Variants in SGCD observed in about 807,000 individuals in gnomAD.
SGCD encodes the protein sarcoglycan delta, also known as delta-sarcoglycan.
In SGCD, 18 loss-of-function variants were observed where a neutral mutation model predicts 36.6. The observed-to-expected ratio is 0.49, with a 90% CI of 0.34 to 0.73. The LOEUF (loss-of-function observed/expected upper bound fraction) is 0.73. Among genes scored for constraint, SGCD ranks in the 30% least tolerant of loss-of-function variants. The pLI is 0.01. For missense variants in SGCD, 387 were observed against 346.7 expected (o/e 1.12, Z -0.92); for synonymous variants, 133 against 130.6 (o/e 1.02, Z -0.12).
At chr5:156,628,263 C>T (rs1762505666) in intron 6 of SGCD, among the ~76,000 whole-genome samples, 1 of 152,200 alleles carries the variant, frequency 6.6e-6, no homozygotes, top group African/African-American at 2.4e-5. Context: ...TCACCAGACC[C>T]TACCTCCAAC....
intron 3 of SGCD, among the ~76,000 whole-genome samples, chr5:156,304,638 C>G (rs992885552): frequency 6.6e-6 from 1 of 152,076 alleles, no homozygotes; most frequent in African/African-American, 2.4e-5. Context: ...AAAAGATACC[C>G]AAAAATGTGG....
intron 7 of SGCD, among the ~76,000 whole-genome samples, chr5:156,721,775 C>G (rs1187016016): frequency 6.6e-6 from 1 of 152,140 alleles, no homozygotes; most frequent in Non-Finnish European, 1.5e-5. Flanking sequence ...TGTAGAGCAA[C>G]AGGGTGGGAG....
At chr5:156,638,426 C>G (rs924976886) in intron 6 of SGCD, among the ~76,000 whole-genome samples, 3 of 152,180 alleles carry the variant, frequency 2.0e-5, no homozygotes, top group African/African-American at 7.2e-5. Flanking sequence ...TCACCTCATT[C>G]TTAGGACACA....
chr5:156,129,954 T>G (rs1057226772), intron 3 of SGCD, among the ~76,000 whole-genome samples: 1 of 152,214 alleles, frequency 6.6e-6, no homozygotes, highest in Non-Finnish European at 1.5e-5. Flanking sequence ...TGAACATTCA[T>G]GCACATGTGT....
chr5:156,135,401 T>C (rs78374169), intron 3 of SGCD, among the ~76,000 whole-genome samples: 2,035 of 152,298 alleles, frequency 0.013, 21 homozygotes, highest in Non-Finnish European at 0.022. Flanking sequence ...GCCAGGGATA[T>C]AAGACACCTG....
At chr5:156,488,523 T>TA (rs904754060) in intron 3 of SGCD, among the ~76,000 whole-genome samples, 5 of 151,400 alleles carry the variant, frequency 3.3e-5, no homozygotes, top group South Asian at 4.2e-4. Context: ...GAAAGAAAAA[T>TA]AAAAAACTGC....
chr5:156,263,037 T>C (rs1765907001), intron 3 of SGCD, among the ~76,000 whole-genome samples: 1 of 152,116 alleles, frequency 6.6e-6, no homozygotes. Flanking sequence ...TTTGCAATTG[T>C]GAATTGCACT....
intron 1 of SGCD, among the ~76,000 whole-genome samples, chr5:155,890,509 T>C (rs532746955): frequency 1.8e-4 from 28 of 152,056 alleles, no homozygotes; most frequent in Admixed American, 7.9e-4. Flanking sequence ...CTTGGGAGGC[T>C]GAAGGGGAGG....
At chr5:155,797,572 A>G in the SGCD span, among the ~76,000 whole-genome samples, 1 of 152,220 alleles carries the variant, frequency 6.6e-6, no homozygotes. Context: ...ATTTCAATTG[A>G]GTTCCACTAC....
At chr5:156,049,900 T>G (rs1233439909) in intron 1 of SGCD, among the ~76,000 whole-genome samples, 1 of 146,594 alleles carries the variant, frequency 6.8e-6, no homozygotes, top group East Asian at 1.9e-4. Flanking sequence ...AGCCTGGAGC[T>G]GTGACTGAAG....
rs543894301 is a variant in SGCD, at chr5:156,047,287, C to T, written c.-281-70591C>T. On this transcript the variant is annotated intron_variant, in intron 1 of 9. Coordinates refer to the SGCD transcript ENST00000517913. Reference sequence around the variant, plus strand: ...CTACATAAGTTATCCGGAAAATCCACGCAAGATCATCGATGAAGGTGGCTA... The same window carrying T: ...CTACATAAGTTATCCGGAAAATCCATGCAAGATCATCGATGAAGGTGGCTA... Among the ~76,000 whole-genome samples the T allele has an allele frequency of 7.0e-4, 107 of 152,228 alleles. 1 individual carries two copies. The highest frequency in any genetic ancestry group is 1.9e-3 in the South Asian group (9 of 4,822).
At chr5:156,255,700 G>T (rs10079587) in intron 3 of SGCD, among the ~76,000 whole-genome samples, 17 of 152,132 alleles carry the variant, frequency 1.1e-4, no homozygotes, top group African/African-American at 3.9e-4. Flanking sequence ...TGTGTATGTT[G>T]TTGTATCTTG....
At chr5:156,558,222 C>T (rs1462460486) in intron 4 of SGCD, among the ~76,000 whole-genome samples, 1 of 151,060 alleles carries the variant, frequency 6.6e-6, no homozygotes, top group Non-Finnish European at 1.5e-5. Flanking sequence ...CACTTACTAG[C>T]TCTGAGTCTT....
chr5:156,647,972 G>A (rs1011940628), intron 7 of SGCD, among the ~76,000 whole-genome samples: 2 of 152,138 alleles, frequency 1.3e-5, no homozygotes, highest in Non-Finnish European at 2.9e-5. Context: ...ACCCCCTTCT[G>A]CAGATGTTCC....
At chr5:156,230,414 C>A (rs968440682) in intron 3 of SGCD, among the ~76,000 whole-genome samples, 6 of 152,144 alleles carry the variant, frequency 3.9e-5, no homozygotes, top group African/African-American at 1.4e-4. Context: ...ATGGATGTGG[C>A]TTCCTGCGAG....
intron 7 of SGCD, among the ~76,000 whole-genome samples, chr5:156,756,518 C>A (rs1342302394): frequency 2.0e-5 from 3 of 152,134 alleles, no homozygotes; most frequent in Admixed American, 6.5e-5. Flanking sequence ...CCAGCCTGAG[C>A]AACAGGGTGA....
intron 3 of SGCD, among the ~76,000 whole-genome samples, chr5:156,160,554 T>C (rs984435444): frequency 4.0e-5 from 6 of 151,748 alleles, no homozygotes; most frequent in Non-Finnish European, 8.8e-5. Context: ...GTATCTCTTA[T>C]TATAAGTGCT....
At chr5:156,390,392 C>T (rs1771500748) in intron 3 of SGCD, among the ~76,000 whole-genome samples, 1 of 152,116 alleles carries the variant, frequency 6.6e-6, no homozygotes, top group South Asian at 2.1e-4. Context: ...CCCTGTGTAG[C>T]CCTAGGCTAA....
intron 3 of SGCD, among the ~76,000 whole-genome samples, chr5:156,202,829 A>G (rs1764183547): frequency 6.6e-6 from 1 of 150,698 alleles, no homozygotes; most frequent in Non-Finnish European, 1.5e-5. Context: ...GGGCATGGAC[A>G]GGGAGGTACC....
Sources: gnomAD v4.1 joint callset for allele counts (sites outside exome capture counted in the v4.1 genomes callset) on GRCh38, gnomAD v4.1.1 for gene constraint, MANE v1.5 for transcripts, NCBI Gene and HGNC (gene_info 2026-07-23, HGNC 2026-07-21) for gene names.